GRXCR2: variants seen among roughly 807,000 people sequenced by gnomAD.
The protein encoded by GRXCR2 is glutaredoxin and cysteine rich domain containing 2.
A neutral mutation model predicts 24.8 loss-of-function variants in GRXCR2; 23 were observed. That is an observed-to-expected ratio of 0.93 (90% CI 0.67 to 1.32). The LOEUF (loss-of-function observed/expected upper bound fraction) is 1.32. Among genes scored for constraint, GRXCR2 ranks in the 40% most tolerant of loss-of-function variants. GRXCR2 has a pLI of 0.00. For missense variants in GRXCR2, 315 were observed against 303.4 expected (o/e 1.04, Z -0.28); for synonymous variants, 130 against 116.1 (o/e 1.12, Z -0.77).
At chr5:145,889,219 A>AGAAAGAAAGAAAGAAG in intron 2 of GRXCR2, among the ~76,000 whole-genome samples, 1 of 150,598 alleles carries the variant, frequency 6.6e-6, no homozygotes, top group South Asian at 2.1e-4. Flanking sequence ...AAAGAAAGAA[A>AGAAAGAAAGAAAGAAG]GAAAGAAAGA....
Position 145,915,969 on chromosome 5 carries a change from G to C in GRXCR2, c.-70+19732C>G, listed in dbSNP as rs561916806. The stretch of plus-strand genomic sequence containing the variant: ...AATGCACAACTGGTCAACAATGCAG[G>C]GTACCCATGCACACCCAGCTGACAC... On this transcript the variant is annotated intron_variant, in intron 2 of 3. Coordinates refer to the GRXCR2 transcript ENST00000639411. Among the ~76,000 whole-genome samples the C allele has an allele frequency of 4.6e-5, 7 of 152,250 alleles. No individual in the cohort carries two copies. In the South Asian group the frequency reaches 1.5e-3, roughly 32 times the overall value.
intron 2 of GRXCR2, among the ~76,000 whole-genome samples, chr5:145,894,169 C>G (rs1756913440): frequency 6.6e-6 from 1 of 151,978 alleles, no homozygotes; most frequent in Non-Finnish European, 1.5e-5. Flanking sequence ...TCAATGCCCA[C>G]AAGAGAAAGC....
chr5:145,859,977 G>T (rs1364414003), intron 2 of GRXCR2, 62 bp from the exon 3 acceptor site: 4 of 1,368,956 alleles, frequency 2.9e-6, no homozygotes, highest in Non-Finnish European at 9.9e-7. Flanking sequence ...TCACATGCAG[G>T]TCAAAACAGC....
At chr5:145,925,486 G>T (rs928944061) in intron 2 of GRXCR2, among the ~76,000 whole-genome samples, 2 of 152,134 alleles carry the variant, frequency 1.3e-5, no homozygotes, top group Admixed American at 6.6e-5. Context: ...GCTGTTACTG[G>T]TGAAGCTAAG....
chr5:145,901,439 G>A (rs1400752129), intron 2 of GRXCR2, among the ~76,000 whole-genome samples: 1 of 152,004 alleles, frequency 6.6e-6, no homozygotes, highest in Non-Finnish European at 1.5e-5. Flanking sequence ...TATTTATTAG[G>A]TACCTACTAT....
chr5:145,926,594 T>C (rs1030689029), intron 2 of GRXCR2, among the ~76,000 whole-genome samples: 26 of 152,196 alleles, frequency 1.7e-4, no homozygotes, highest in Non-Finnish European at 2.6e-4. Context: ...TATATCTCTG[T>C]GTTGGTACCA....
chr5:145,872,906 A>C lies in GRXCR2; in HGVS notation c.63T>G (p.Phe21Leu). 1 of 1,614,206 alleles carries C rather than the reference A, an allele frequency of 6.2e-7. No homozygotes were observed. The highest frequency in any genetic ancestry group is 8.5e-7 in the Non-Finnish European group (1 of 1,180,022). The change falls in exon 1 of 3, where the codon TTT becomes TTG. Residue 21 changes from phenylalanine to leucine, a missense_variant. Phe to Leu is a conservative substitution (Grantham distance 22). Transcript: ENST00000377976. ...GACCGCTGTAGGAGGAGGAGATTTT[A>C]AATCGTACTTTCCGGGGTTTGCCAT... ...KSDGKPRKVR[F>L]KISSSYSGRV...
intron 1 of GRXCR2, among the ~76,000 whole-genome samples, chr5:145,867,348 C>T (rs1303200902): frequency 6.6e-6 from 1 of 152,126 alleles, no homozygotes; most frequent in African/African-American, 2.4e-5. Context: ...AAGTCTGTCA[C>T]CCTAAAGCCC....
chr5:145,887,034 G>T (rs1452174803), intron 2 of GRXCR2, among the ~76,000 whole-genome samples: 1 of 152,146 alleles, frequency 6.6e-6, no homozygotes, highest in African/African-American at 2.4e-5. Flanking sequence ...ATATTTAAAA[G>T]TTTTTCAATA....
chr5:145,889,196 GAAAGAAAGAAAGA>G (rs1756824450), intron 2 of GRXCR2, among the ~76,000 whole-genome samples: 1 of 144,376 alleles, frequency 6.9e-6, no homozygotes, highest in African/African-American at 2.6e-5. Context: ...AAGAAAGAAA[GAAAGAAAGAAAGA>G]AAGAAAGAAA....
At chr5:145,918,821 T>C (rs894665497) in intron 2 of GRXCR2, among the ~76,000 whole-genome samples, 1 of 152,156 alleles carries the variant, frequency 6.6e-6, no homozygotes, top group Non-Finnish European at 1.5e-5. Flanking sequence ...TACCTTGGCA[T>C]CCCTGTGATA....
At chr5:145,860,017 T>C (rs1756307759) in intron 2 of GRXCR2, 102 bp from the exon 3 acceptor site, 1 of 907,688 alleles carries the variant, frequency 1.1e-6, no homozygotes, top group Non-Finnish European at 1.6e-6. Context: ...TGGGGCAGAA[T>C]AGAGGAAAAT....
At chr5:145,919,069 C>T (rs965949487) in intron 2 of GRXCR2, among the ~76,000 whole-genome samples, 2 of 152,190 alleles carry the variant, frequency 1.3e-5, no homozygotes, top group African/African-American at 4.8e-5. Context: ...AGCATCTGTT[C>T]TTGCGGTCAA....
At chr5:145,892,976 T>A (rs978793330) in intron 2 of GRXCR2, among the ~76,000 whole-genome samples, 1 of 152,182 alleles carries the variant, frequency 6.6e-6, no homozygotes, top group Non-Finnish European at 1.5e-5. Flanking sequence ...GGGGCCAATA[T>A]TCAACATTCT....
At chr5:145,904,398 A>G (rs944137819) in intron 2 of GRXCR2, among the ~76,000 whole-genome samples, 4 of 152,044 alleles carry the variant, frequency 2.6e-5, no homozygotes, top group African/African-American at 7.2e-5. Context: ...TAATTTTACT[A>G]TCTGTAAAAT....
chr5:145,872,635 T>C lies in GRXCR2; in HGVS notation c.334A>G (p.Lys112Glu). 2 of 1,595,566 alleles carry C rather than the reference T, an allele frequency of 1.3e-6. No homozygotes were observed. Among genetic ancestry groups the C allele is most frequent in the Non-Finnish European group, 1.7e-6 (2 of 1,168,874 alleles). The change falls in exon 1 of 3, where the codon AAG (lysine) becomes GAG (glutamate). Residue 112 changes from lysine (K) to glutamate (E), a missense_variant and splice_region_variant. Lys to Glu is a moderately conservative substitution (Grantham distance 56, BLOSUM62 1). Transcript: ENST00000377976. ...RFNDYKANDH[K>E]PLPIIDFGKI... is the part of the protein sequence containing the mutation. ...TATATGCCATGCACAATACCAACCT[T>C]ATGGTCATTCGCCTTGTAATCGTTG...
At chr5:145,880,308 TAAAGAAGA>T (rs1756680588) in intron 2 of GRXCR2, among the ~76,000 whole-genome samples, 1 of 151,350 alleles carries the variant, frequency 6.6e-6, no homozygotes, top group Non-Finnish European at 1.5e-5. Flanking sequence ...GCAAGACTAA[TAAAGAAGA>T]AAAGAGAGAA....
chr5:145,914,166 A>G (rs1467692029), intron 2 of GRXCR2, among the ~76,000 whole-genome samples: 4 of 152,234 alleles, frequency 2.6e-5, no homozygotes, highest in Middle Eastern at 3.4e-3. Flanking sequence ...AAAGCCTCCT[A>G]TCAAAGTTGG....
At chr5:145,879,305 C>A in intron 2 of GRXCR2, among the ~76,000 whole-genome samples, 1 of 148,836 alleles carries the variant, frequency 6.7e-6, no homozygotes, top group African/African-American at 2.5e-5. Flanking sequence ...ACCCATCTCA[C>A]GTGCAGAGAC....
Sources: allele counts gnomAD v4.1 joint callset (sites outside exome capture counted in the v4.1 genomes callset), GRCh38; gene constraint gnomAD v4.1.1; transcripts MANE v1.5; gene names NCBI Gene and HGNC (gene_info 2026-07-23, HGNC 2026-07-21).